Variants in BIRC6 observed in about 807,000 individuals in gnomAD.
BIRC6 encodes dual E2 ubiquitin-conjugating enzyme/E3 ubiquitin-protein ligase BIRC6.
BIRC6 carries 98 observed loss-of-function variants against 503.3 expected under a neutral mutation model. The ratio of observed to expected loss-of-function variants is 0.19; its 90% CI spans 0.17 to 0.23. The LOEUF is 0.23. BIRC6 is among the 10% of genes least tolerant of loss of function. BIRC6 has a pLI of 1.00. For missense variants in BIRC6, 5,360 were observed against 5,806.0 expected (o/e 0.92, Z 2.50); for synonymous variants, 2,240 against 2,078.7 (o/e 1.08, Z -2.11).
At chr2:32,461,078 C>T (rs1452679886) in intron 23 of BIRC6, among the ~76,000 whole-genome samples, 269 of 4,088 alleles carry the variant, frequency 0.066, 2 homozygotes, top group Non-Finnish European at 0.071. Context: ...TTCTCCTCTC[C>T]TCTCCTCTCC....
In BIRC6 at chr2:32,433,678, C is replaced by T. The variant is rs1356930485; in HGVS notation, c.3283C>T (p.Leu1095=). The change falls in exon 13 of 74, where the codon CTA becomes TTA. Residue 1095 remains leucine (L), a synonymous_variant. Coordinates refer to ENST00000421745, the MANE Select transcript of BIRC6 (RefSeq NM_016252.4). ...SWDEHVFELV[L]PKACMVGHVD... Reference sequence around the variant, plus strand: ...GGATGAACATGTATTTGAATTAGTACTACCTAAAGCTTGTATGGTTGGACA... The same window carrying T: ...GGATGAACATGTATTTGAATTAGTATTACCTAAAGCTTGTATGGTTGGACA... 1 of 1,592,450 alleles carries T rather than the reference C, an allele frequency of 6.3e-7. No individual in the cohort carries two copies. Among genetic ancestry groups the T allele is most frequent in the East Asian group, 2.2e-5 (1 of 44,560 alleles).
rs2053217486 is a variant in BIRC6, at chr2:32,501,698, T to C, written c.9032-15T>C. ...ATATATATACTTTTAATGTGGTATC[T>C]TTTATTTTTCTTAGGAGCAAGTGGA... is the stretch of plus-strand genomic sequence containing the variant. On this transcript the variant is annotated splice_polypyrimidine_tract_variant and intron_variant, in intron 46 of 73. Coordinates refer to ENST00000421745, the MANE Select transcript of BIRC6 (RefSeq NM_016252.4). 1 of 1,602,670 alleles carries C rather than the reference T, an allele frequency of 6.2e-7. No individual in the cohort carries two copies. The highest frequency in any genetic ancestry group is 1.1e-5 in the South Asian group (1 of 89,460).
chr2:32,607,221 A>G (rs1428168805), intron 71 of BIRC6, among the ~76,000 whole-genome samples: 3 of 152,166 alleles, frequency 2.0e-5, no homozygotes, highest in Non-Finnish European at 4.4e-5. Context: ...TTATTATTCA[A>G]GAATTCAAGA....
At chr2:32,434,100 C>G (rs1005115028) in intron 13 of BIRC6, among the ~76,000 whole-genome samples, 1 of 152,090 alleles carries the variant, frequency 6.6e-6, no homozygotes, top group African/African-American at 2.4e-5. Context: ...TTATGTATTT[C>G]TTTTCCTAGG....
At chr2:32,454,254 A>G (rs954959797) in intron 23 of BIRC6, among the ~76,000 whole-genome samples, 8 of 152,198 alleles carry the variant, frequency 5.3e-5, no homozygotes, top group Admixed American at 2.0e-4. Context: ...GAGTAAAAAT[A>G]GACTACGTGT....
At chr2:32,427,405 C>A (rs1311363799) in intron 10 of BIRC6, among the ~76,000 whole-genome samples, 1 of 152,120 alleles carries the variant, frequency 6.6e-6, no homozygotes, top group South Asian at 2.1e-4. Context: ...TCCTCAGCCT[C>A]CTGAGTAGCT....
rs147424296 is a variant in BIRC6, at chr2:32,544,130, T to A, written c.12592+589T>A. Among the ~76,000 whole-genome samples the A allele has an allele frequency of 4.6e-5, 7 of 152,300 alleles. No homozygotes were observed. The East Asian group carries it at 1.3e-3, about 29-fold the overall frequency. On this transcript the variant is annotated intron_variant, in intron 62 of 73. Transcript: ENST00000421745. ...TGAAAATTTGCACAAAAGGGAGCAT[T>A]GTGAGCATTTTAAAAGCTAATATTG... is the stretch of plus-strand genomic sequence containing the variant.
chr2:32,491,514 C>G lies in BIRC6; in HGVS notation c.8296C>G (p.Leu2766Val), dbSNP rs2051702100. Residue 2766 changes from leucine to valine, a missense_variant, in exon 44 of 74, where the codon CTT (leucine) becomes GTT (valine). Around this residue, in one of 16 missense-constraint regions of BIRC6, gnomAD observed 2,299 missense variants for 2,267.2 expected, o/e 1.01. Transcript: ENST00000421745. ...CCTAATTCATGTATTAGTGAAATTT[C>G]TTTCTGGCACCAGTCCACATGGAAC... Reference protein sequence around the residue: ...PNLIHVLVKFLSGTSPHGTNQ... With the variant: ...PNLIHVLVKFVSGTSPHGTNQ... 1 of 1,613,630 alleles carries G rather than the reference C, an allele frequency of 6.2e-7. No individual in the cohort carries two copies. The highest frequency in any genetic ancestry group is 1.1e-5 in the South Asian group (1 of 91,072).
chr2:32,519,010 G>C (rs1020927959), intron 57 of BIRC6, 64 bp downstream of exon 57: 1 of 1,478,492 alleles, frequency 6.8e-7, no homozygotes, highest in Admixed American at 1.9e-5. Flanking sequence ...GAGGTTTATT[G>C]TTTTTATAAC....
chr2:32,387,714 G>A lies in BIRC6; in HGVS notation c.646-1036G>A, dbSNP rs939683623. On this transcript the variant is annotated intron_variant, in intron 3 of 73. Coordinates refer to ENST00000421745, the MANE Select transcript of BIRC6 (RefSeq NM_016252.4). Reference sequence around the variant, plus strand: ...CTAAATCCTCATATACCCCAGTAATGGTAATTGTCTAAATATATTCTTATG... The same window carrying A: ...CTAAATCCTCATATACCCCAGTAATAGTAATTGTCTAAATATATTCTTATG... 3.6e-4 allele frequency among the ~76,000 whole-genome samples: 54 copies of A among 152,056 alleles called. 1 individual carries two copies. The highest frequency in any genetic ancestry group is 1.3e-3 in the African/African-American group (52 of 41,406).
rs1430601404 is a variant in BIRC6 at position 32,415,246 on chromosome 2, T to C, written c.1955T>C (p.Ile652Thr). ...AGKIFSQMNN[I>T]MSKSLHDDGF... ...AAGATCTTTTCACAGATGAACAATATTATGAGTAAAAGTTTGCATGATGAT... is the reference window on the plus strand; with the variant it reads ...AAGATCTTTTCACAGATGAACAATACTATGAGTAAAAGTTTGCATGATGAT... The change falls in exon 10 of 74, where the codon ATT becomes ACT. Residue 652 changes from isoleucine to threonine, a missense_variant. This residue lies in a region of BIRC6 where 700 missense variants were observed against 739.3 expected (regional missense o/e 0.95). Coordinates refer to ENST00000421745, the MANE Select transcript of BIRC6 (RefSeq NM_016252.4). 6 of 1,613,856 alleles carry C rather than the reference T, an allele frequency of 3.7e-6. No homozygotes were observed. The highest frequency in any genetic ancestry group is 3.4e-6 in the Non-Finnish European group (4 of 1,179,872).
At chr2:32,387,492 T>C (rs2038641033) in intron 3 of BIRC6, among the ~76,000 whole-genome samples, 1 of 152,156 alleles carries the variant, frequency 6.6e-6, no homozygotes. Context: ...TCTGGGAGAA[T>C]AGTACTTAGC....
intron 8 of BIRC6, among the ~76,000 whole-genome samples, chr2:32,403,571 G>A (rs1410591556): frequency 1.3e-5 from 2 of 152,038 alleles, no homozygotes; most frequent in East Asian, 3.8e-4. Flanking sequence ...TTGTATATCA[G>A]GTCAAGTTGG....
At chr2:32,604,651 CAAT>C (rs948611294) in intron 71 of BIRC6, among the ~76,000 whole-genome samples, 5 of 152,094 alleles carry the variant, frequency 3.3e-5, no homozygotes, top group African/African-American at 1.2e-4. Context: ...TCTCAGCAGA[CAAT>C]AAATTATAGC....
At chr2:32,539,431 A>G (rs1455847350) in intron 61 of BIRC6, among the ~76,000 whole-genome samples, 1 of 152,228 alleles carries the variant, frequency 6.6e-6, no homozygotes, top group Admixed American at 6.5e-5. Flanking sequence ...ATGCTGGCCT[A>G]TACAAAAAGT....
chr2:32,468,863 A>G (rs1243477029), intron 29 of BIRC6, 80 bp downstream of exon 29: 10 of 1,086,292 alleles, frequency 9.2e-6, no homozygotes, highest in East Asian at 2.5e-5. Flanking sequence ...ATCTGTGTCA[A>G]TATTTTCTAT....
Position 32,401,953 on chromosome 2 carries a change from A to G in BIRC6, c.1418+330A>G, listed in dbSNP as rs1378178232. On this transcript the variant is annotated intron_variant, in intron 8 of 73. Transcript: ENST00000421745. ...TTCTATTGTAGTTTCACCTTCTGCT[A>G]AATCTTTTCATAGAGCATTCGAACT... 2.0e-5 allele frequency among the ~76,000 whole-genome samples: 3 copies of G among 152,236 alleles called. No individual in the cohort carries two copies. In the East Asian group the frequency reaches 5.8e-4, roughly 29 times the overall value.
In BIRC6 at chr2:32,479,586, T is replaced by C. The variant is rs772445795; in HGVS notation, c.7377T>C (p.Thr2459=). Residue 2459 remains threonine (T), a synonymous_variant, in exon 37 of 74, where the codon ACT becomes ACC. Coordinates refer to ENST00000421745, the MANE Select transcript of BIRC6 (RefSeq NM_016252.4). ...AGTCCTCAGTTCAGTTGCTGGAAACTATAGATGAACCTTTGACACATGACA... is the reference window on the plus strand; with the variant it reads ...AGTCCTCAGTTCAGTTGCTGGAAACCATAGATGAACCTTTGACACATGACA... The part of the protein sequence containing the change: ...LQQSSVQLLE[T]IDEPLTHDIT... The C allele has an allele frequency of 2.5e-6, 4 of 1,609,814 alleles. No homozygotes were observed. Among genetic ancestry groups the C allele is most frequent in the South Asian group, 1.1e-5 (1 of 90,142 alleles).
At chr2:32,454,168 A>C (rs1205645898) in intron 23 of BIRC6, among the ~76,000 whole-genome samples, 3 of 152,144 alleles carry the variant, frequency 2.0e-5, no homozygotes, top group Non-Finnish European at 4.4e-5. Context: ...CAGTGTCTTA[A>C]ATCATTCTGT....
Sources: gnomAD v4.1 joint callset for allele counts (sites outside exome capture counted in the v4.1 genomes callset) on GRCh38, gnomAD v4.1.1 for gene constraint, gnomAD v4.1.1 regional missense constraint, MANE v1.5 for transcripts, NCBI Gene and HGNC (gene_info 2026-07-23, HGNC 2026-07-21) for gene names.